VAX2: variants seen among roughly 807,000 people sequenced by gnomAD.
VAX2 encodes ventral anterior homeobox 2.
In VAX2, 8 loss-of-function variants were observed where a neutral mutation model predicts 12.5. That is an observed-to-expected ratio of 0.64 (90% CI 0.37 to 1.15). The LOEUF (loss-of-function observed/expected upper bound fraction) is 1.15, where lower values mean the gene tolerates loss of function less well. Among genes scored for constraint, VAX2 ranks in the 50% most tolerant of loss-of-function variants. The probability of loss-of-function intolerance (pLI) is 0.01; values close to 1 mark genes in which losing one functional copy is unlikely to be tolerated. For synonymous variants in VAX2, 183 were observed against 187.6 expected, an observed-to-expected ratio of 0.98 and a Z score of 0.20; for missense variants, 476 against 412.9, an observed-to-expected ratio of 1.15 and a Z score of -1.32.
At chr2:70,921,587 T>TC (rs1553412876) in intron 2 of VAX2, among the ~76,000 whole-genome samples, 5 of 151,726 alleles carry the variant, frequency 3.3e-5, no homozygotes, top group Non-Finnish European at 7.4e-5. Flanking sequence ...GGGAGTGGCT[T>TC]GGGGGGGTGT....
At chr2:70,920,448 A>T (rs2104775903) in intron 1 of VAX2, among the ~76,000 whole-genome samples, 1 of 152,230 alleles carries the variant, frequency 6.6e-6, no homozygotes, top group South Asian at 2.1e-4. Flanking sequence ...AGGACTAGGC[A>T]CATGGGGAGT....
At chr2:70,911,326 CTG>C (rs1553411206) in intron 1 of VAX2, among the ~76,000 whole-genome samples, 1 of 152,168 alleles carries the variant, frequency 6.6e-6, no homozygotes, top group Admixed American at 6.5e-5. Context: ...TATTACTAGA[CTG>C]TGATTTTATC....
rs1679743441 is a variant in VAX2, at chr2:70,933,142, C to T, written c.811C>T (p.Pro271Ser). 6.3e-7 allele frequency: 1 copy of T among 1,592,030 alleles called. No individual in the cohort carries two copies. The highest frequency in any genetic ancestry group is 8.5e-7 in the Non-Finnish European group (1 of 1,170,348). The change falls in exon 3 of 3, where the codon CCA (proline) becomes TCA (serine). Residue 271 changes from proline (P) to serine (S), a missense_variant. Physicochemically the swap from Pro to Ser is moderately conservative, Grantham distance 74. Transcript: ENST00000234392. ...GYELGSSAFE[P>S]YSWLERKVGS... ...CGAACTGGGTTCCTCGGCCTTCGAG[C>T]CATACAGCTGGCTAGAACGGAAAGT...
In VAX2 at chr2:70,933,224, TGAGTCCC is replaced by T. The variant is rs1558664918; in HGVS notation, c.*24_*30del. Reference sequence around the variant, plus strand: ...ACTTAAGACTCCCACCCTGTGACACTGAGTCCCGAGCACAGCACCTTCCCAGTCTCCT... The same window carrying T: ...ACTTAAGACTCCCACCCTGTGACACTGAGCACAGCACCTTCCCAGTCTCCT... On this transcript the variant is annotated 3_prime_UTR_variant, in exon 3 of 3. Coordinates refer to ENST00000234392, the MANE Select transcript of VAX2 (RefSeq NM_012476.3). 1 of 1,498,626 alleles carries T rather than the reference TGAGTCCC, an allele frequency of 6.7e-7. No individual in the cohort carries two copies. Among genetic ancestry groups the T allele is most frequent in the East Asian group, 2.4e-5 (1 of 42,326 alleles). 92.8% of individuals were successfully genotyped at this position (1,498,626 alleles called of 1,614,324 possible).
In VAX2 at chr2:70,924,607, A is replaced by C. The variant is rs189206062; in HGVS notation, c.435+3322A>C. 2.6e-3 allele frequency among the ~76,000 whole-genome samples: 393 copies of C among 152,292 alleles called. 4 individuals are homozygous for C. Among genetic ancestry groups the C allele is most frequent in the Middle Eastern group, 6.8e-3 (2 of 294 alleles). ...GGTGCATTCATGGGTAATAGTACCC[A>C]TGAAGATGGCTTTATGGGTACTATT... On this transcript the variant is annotated intron_variant, in intron 2 of 2. Coordinates refer to ENST00000234392, the MANE Select transcript of VAX2 (RefSeq NM_012476.3).
chr2:70,915,165 G>C (rs973711002), intron 1 of VAX2, among the ~76,000 whole-genome samples: 1 of 151,560 alleles, frequency 6.6e-6, no homozygotes, highest in African/African-American at 2.4e-5. Context: ...TGATTTTGGT[G>C]CTTTTGTCAT....
At chr2:70,929,696 A>AAAAC (rs1553414042) in intron 2 of VAX2, among the ~76,000 whole-genome samples, 1 of 151,992 alleles carries the variant, frequency 6.6e-6, no homozygotes, top group East Asian at 1.9e-4. Context: ...CAAAAAAAAA[A>AAAAC]AACAATGTAT....
intron 1 of VAX2, among the ~76,000 whole-genome samples, chr2:70,903,875 T>C (rs1553410126): frequency 1.3e-5 from 2 of 152,096 alleles, no homozygotes. Context: ...AAAGGAAAAT[T>C]AGCACCATCT....
chr2:70,913,818 T>C (rs1292444775), intron 1 of VAX2, among the ~76,000 whole-genome samples: 2 of 152,192 alleles, frequency 1.3e-5, no homozygotes, highest in Non-Finnish European at 2.9e-5. Flanking sequence ...GGCCCTAGAA[T>C]AATATTTGAC....
rs1553409590 is a variant in VAX2, at chr2:70,900,696, C to T, written c.75C>T (p.Cys25=). 3 of 1,337,042 alleles carry T rather than the reference C, an allele frequency of 2.2e-6. No individual in the cohort carries two copies. The highest frequency in any genetic ancestry group is 1.9e-6 in the Non-Finnish European group (2 of 1,042,350). 82.8% of individuals were successfully genotyped at this position (1,337,042 alleles called of 1,614,324 possible). Residue 25 remains cysteine, a synonymous_variant, in exon 1 of 3, where the codon TGC becomes TGT. Coordinates refer to ENST00000234392, the MANE Select transcript of VAX2 (RefSeq NM_012476.3). ...RAESGGGGGR[C]GDRSGAGDLR... Reference sequence around the variant, plus strand: ...AGTCTGGTGGCGGCGGTGGGCGCTGCGGAGACCGCAGCGGAGCGGGGGACT... The same window carrying T: ...AGTCTGGTGGCGGCGGTGGGCGCTGTGGAGACCGCAGCGGAGCGGGGGACT...
intron 1 of VAX2, among the ~76,000 whole-genome samples, chr2:70,901,746 C>A (rs1229452047): frequency 6.6e-6 from 1 of 152,250 alleles, no homozygotes; most frequent in Admixed American, 6.5e-5. Flanking sequence ...GGGCCTCGCC[C>A]GGCGAGATGA....
rs186278439 is a variant in VAX2, at chr2:70,925,761, G to C, written c.435+4476G>C. On this transcript the variant is annotated intron_variant, in intron 2 of 2. Transcript: ENST00000234392. Reference sequence around the variant, plus strand: ...GGAACCATGGTGTAGCCAGGAATTGGAAGAGACTGGAAGCCAAAGGCTCTT... The same window carrying C: ...GGAACCATGGTGTAGCCAGGAATTGCAAGAGACTGGAAGCCAAAGGCTCTT... Among the ~76,000 whole-genome samples, 324 of 152,258 alleles carry C rather than the reference G, an allele frequency of 2.1e-3. 1 individual carries two copies. The highest frequency in any genetic ancestry group is 7.5e-3 in the African/African-American group (311 of 41,534).
At chr2:70,903,540 C>A (rs1304408961) in intron 1 of VAX2, among the ~76,000 whole-genome samples, 1 of 152,192 alleles carries the variant, frequency 6.6e-6, no homozygotes, top group Non-Finnish European at 1.5e-5. Flanking sequence ...GCCCTTTAAA[C>A]CTGAACCAGT....
chr2:70,902,491 G>A (rs1678956496), intron 1 of VAX2, among the ~76,000 whole-genome samples: 1 of 152,222 alleles, frequency 6.6e-6, no homozygotes, highest in Non-Finnish European at 1.5e-5. Flanking sequence ...CTGTAGGACT[G>A]CCAGAGAAAT....
intron 2 of VAX2, among the ~76,000 whole-genome samples, chr2:70,922,296 A>T (rs1381228748): frequency 1.3e-5 from 2 of 152,176 alleles, no homozygotes; most frequent in Non-Finnish European, 2.9e-5. Context: ...GGAAGGGAGG[A>T]GGGGAATGCG....
rs181354790 is a variant in VAX2 at position 70,918,046 on chromosome 2, T to C, written c.248-3052T>C. The stretch of plus-strand genomic sequence containing the variant: ...CCAGTCACAGTGGGGTCACACATAT[T>C]ATCCTATCTTTTTGAAATGTGAACA... On this transcript the variant is annotated intron_variant, in intron 1 of 2. Coordinates refer to ENST00000234392, the MANE Select transcript of VAX2 (RefSeq NM_012476.3). 2.8e-3 allele frequency among the ~76,000 whole-genome samples: 428 copies of C among 152,326 alleles called. 4 individuals carry two copies. Among genetic ancestry groups the C allele is most frequent in the African/African-American group, 9.4e-3 (391 of 41,586 alleles).
chr2:70,922,473 C>T (rs1553412982), intron 2 of VAX2, among the ~76,000 whole-genome samples: 2 of 152,168 alleles, frequency 1.3e-5, no homozygotes, highest in Non-Finnish European at 2.9e-5. Context: ...TTCCTCCAGC[C>T]CCTCAAATCC....
At chr2:70,908,698 A>G (rs554888392) in intron 1 of VAX2, among the ~76,000 whole-genome samples, 3 of 152,354 alleles carry the variant, frequency 2.0e-5, no homozygotes, top group African/African-American at 7.2e-5. Flanking sequence ...TACTGGGTCA[A>G]ATGGTATCTG....
At chr2:70,921,309 T>C in intron 2 of VAX2, 24 bp downstream of exon 2, 1 of 1,547,382 alleles carries the variant, frequency 6.5e-7, no homozygotes, top group Non-Finnish European at 8.7e-7. Context: ...GCCAGGCCAC[T>C]CCACTCTTGT....
Sources: gnomAD v4.1 joint callset for allele counts (sites outside exome capture counted in the v4.1 genomes callset) on GRCh38, gnomAD v4.1.1 for gene constraint, MANE v1.5 for transcripts, NCBI Gene and HGNC (gene_info 2026-07-23, HGNC 2026-07-21) for gene names.